CPNE2: variants seen among roughly 807,000 people sequenced by gnomAD.
CPNE2 encodes the protein copine-2.
CPNE2 carries 42 observed loss-of-function variants against 69.7 expected under a neutral mutation model. That is an observed-to-expected ratio of 0.60 (90% confidence interval 0.47 to 0.78). The LOEUF (loss-of-function observed/expected upper bound fraction) is 0.78. Ranked by LOEUF, CPNE2 falls within the 30% of genes least tolerant of loss-of-function variation. The pLI is 0.00. For synonymous variants in CPNE2, 294 were observed against 289.8 expected, an observed-to-expected ratio of 1.01 and a Z score of -0.15; for missense variants, 587 against 732.0, an observed-to-expected ratio of 0.80 and a Z score of 2.29.
intron 13 of CPNE2, among the ~76,000 whole-genome samples, chr16:57,136,093 A>G (rs2069878755): frequency 6.6e-6 from 1 of 151,022 alleles, no homozygotes; most frequent in Admixed American, 6.6e-5. Flanking sequence ...GGAGGGATGG[A>G]GGAAGGGAGG....
chr16:57,113,883 G>T (rs1163581812), intron 3 of CPNE2, among the ~76,000 whole-genome samples: 1 of 152,200 alleles, frequency 6.6e-6, no homozygotes, highest in African/African-American at 2.4e-5. Context: ...GCTCCTGGAG[G>T]CCGGGAGCAA....
chr16:57,128,027 C>A, intron 12 of CPNE2, 124 bp downstream of exon 12: 2 of 916,772 alleles, frequency 2.2e-6, no homozygotes, highest in South Asian at 1.4e-5. Context: ...CTGTGTTCAC[C>A]CCAGGCCACG....
At chr16:57,121,050 C>T (rs764689662) in intron 7 of CPNE2, 43 bp from the exon 8 acceptor site, 18 of 1,514,316 alleles carry the variant, frequency 1.2e-5, no homozygotes, top group Non-Finnish European at 1.6e-5. Flanking sequence ...GAGAGCACCT[C>T]TTGGGGGACA....
intron 10 of CPNE2, chr16:57,124,845 C>CCG: frequency 4.4e-6 from 1 of 225,228 alleles, no homozygotes; most frequent in South Asian, 6.0e-5. Flanking sequence ...CCCACCACTG[C>CCG]CCCCTCCCCT....
At position 57,119,263 on chromosome 16, in the gene CPNE2, G is replaced by C; in HGVS notation, c.576G>C (p.Leu192=). The C allele has an allele frequency of 6.2e-7, 1 of 1,614,136 alleles. No individual in the cohort carries two copies. The highest frequency in any genetic ancestry group is 8.5e-7 in the Non-Finnish European group (1 of 1,180,014). ...CAGGAGACGATGGCAAGTGGATGCT[G>C]GTCCACAGGACTGAGGTGGGTACGT... ...YKPGDDGKWM[L]VHRTEVIKYT... The change falls in exon 6 of 16, where the codon CTG becomes CTC. Residue 192 remains leucine, a synonymous_variant. Coordinates refer to ENST00000290776, the MANE Select transcript of CPNE2 (RefSeq NM_152727.6).
intron 2 of CPNE2, 28 bp downstream of exon 2, chr16:57,110,950 G>T: frequency 1.9e-6 from 3 of 1,593,728 alleles, no homozygotes; most frequent in Non-Finnish European, 2.6e-6. Context: ...GTCTGCGGTG[G>T]GTAAGGGGGT....
At chr16:57,093,027 G>A (rs2069554128) in intron 1 of CPNE2, among the ~76,000 whole-genome samples, 1 of 152,120 alleles carries the variant, frequency 6.6e-6, no homozygotes, top group African/African-American at 2.4e-5. Context: ...AAGGGCGGGC[G>A]GGGTCCCTGG....
chr16:57,147,832 A>G lies in CPNE2; in HGVS notation c.*174A>G, dbSNP rs1239270872. 2.2e-6 allele frequency: 1 copy of G among 445,666 alleles called. No homozygotes were observed. Among genetic ancestry groups the G allele is most frequent in the Non-Finnish European group, 4.0e-6 (1 of 252,262 alleles). 27.6% of individuals were successfully genotyped at this position (445,666 alleles called of 1,614,324 possible). On this transcript the variant is annotated 3_prime_UTR_variant, in exon 16 of 16. Transcript: ENST00000290776. ...AGCCCAGCTGGGCTTCCTTTGTTGG[A>G]GTCAACTGTTGATGCTTCCAGGCCA...
In CPNE2 at chr16:57,121,139, G is replaced by C; in HGVS notation, c.728G>C (p.Gly243Ala). The C allele has an allele frequency of 6.2e-7, 1 of 1,614,044 alleles. No individual in the cohort carries two copies. The highest frequency in any genetic ancestry group is 8.5e-7 in the Non-Finnish European group (1 of 1,179,980). The change falls in exon 8 of 16, where the codon GGC becomes GCC. Residue 243 changes from glycine to alanine, a missense_variant. This residue lies in a region of CPNE2 where 269 missense variants were observed against 300.5 expected (regional missense o/e 0.90). Transcript: ENST00000290776. ...YDNDGGHDFI[G>A]EFQTSVSQMC... ...AATGACGGGGGCCATGACTTCATCGGCGAGTTCCAGACCTCAGTGTCACAG... is the reference window on the plus strand; with the variant it reads ...AATGACGGGGGCCATGACTTCATCGCCGAGTTCCAGACCTCAGTGTCACAG...
intron 1 of CPNE2, among the ~76,000 whole-genome samples, chr16:57,107,776 T>C (rs1448687911): frequency 2.6e-5 from 4 of 151,506 alleles, no homozygotes; most frequent in Non-Finnish European, 4.4e-5. Context: ...AGCCCACAGC[T>C]CCTGCAGGTC....
chr16:57,115,865 T>TGATTCCTGCAATGCGCAAC (rs1451277394), intron 4 of CPNE2, among the ~76,000 whole-genome samples: 1 of 152,244 alleles, frequency 6.6e-6, no homozygotes. Context: ...CGACGCGCAA[T>TGATTCCTGCAATGCGCAAC]GATTCCTGCA....
chr16:57,110,604 A>G, intron 1 of CPNE2, 104 bp from the exon 2 acceptor site: 1 of 645,378 alleles, frequency 1.5e-6, no homozygotes, highest in Admixed American at 3.8e-5. Context: ...TTTGCCTTCC[A>G]TCTCTCCACT....
Position 57,147,763 on chromosome 16 carries a change from CTTT to C in CPNE2, c.*109_*111del, listed in dbSNP as rs1326760166. The C allele has an allele frequency of 4.5e-6, 3 of 671,758 alleles. No homozygotes were observed. Among genetic ancestry groups the C allele is most frequent in the Admixed American group, 7.6e-5 (2 of 26,416 alleles). The allele number at this position is 671,758 out of a possible 1,614,324, so 41.6% of individuals were successfully genotyped here. A position where few individuals can be genotyped will look rare whatever the true frequency, so the allele number is the denominator to read the frequency against. On this transcript the variant is annotated 3_prime_UTR_variant, in exon 16 of 16. Transcript: ENST00000290776. ...TGGGTGGCCTTTTTTTACCGATCCC[CTTT>C]TTTATTTTTTACAACCGGACCTCCA...
At chr16:57,147,368 A>C in intron 15 of CPNE2, 183 bp from the exon 16 acceptor site, 1 of 415,866 alleles carries the variant, frequency 2.4e-6, no homozygotes, top group Non-Finnish European at 4.3e-6. Context: ...ATCAGGGGGA[A>C]TTTCAGGCCT....
chr16:57,134,384 C>T (rs1172742860), intron 12 of CPNE2, among the ~76,000 whole-genome samples: 1 of 152,182 alleles, frequency 6.6e-6, no homozygotes, highest in African/African-American at 2.4e-5. Flanking sequence ...CCCAGAGAAG[C>T]GGTGCTCTAG....
chr16:57,106,586 G>A (rs903804520), intron 1 of CPNE2, among the ~76,000 whole-genome samples: 6 of 152,068 alleles, frequency 3.9e-5, no homozygotes, highest in African/African-American at 9.7e-5. Flanking sequence ...GAATCTGGGC[G>A]TGTGTGCCTG....
At chr16:57,100,893 C>T (rs1488195849) in intron 1 of CPNE2, among the ~76,000 whole-genome samples, 1 of 152,176 alleles carries the variant, frequency 6.6e-6, no homozygotes. Context: ...TGTTTTCCTG[C>T]CCCATGACAG....
chr16:57,135,663 C>T (rs2069873745), intron 13 of CPNE2, among the ~76,000 whole-genome samples: 1 of 150,488 alleles, frequency 6.6e-6, no homozygotes, highest in Non-Finnish European at 1.5e-5. Context: ...GATCAGAGGT[C>T]AGGAGTTCAA....
intron 3 of CPNE2, among the ~76,000 whole-genome samples, chr16:57,114,449 C>T (rs1380474337): frequency 6.6e-6 from 1 of 152,166 alleles, no homozygotes; most frequent in Admixed American, 6.5e-5. Context: ...GGGGCCCCCA[C>T]CTCTCACGCC....
Sources: allele counts gnomAD v4.1 joint callset (sites outside exome capture counted in the v4.1 genomes callset), GRCh38; gene constraint gnomAD v4.1.1; regional missense constraint gnomAD v4.1.1; transcripts MANE v1.5; gene names NCBI Gene and HGNC (gene_info 2026-07-23, HGNC 2026-07-21).